SYNJ2BP: variants seen among roughly 807,000 people sequenced by gnomAD.
SYNJ2BP encodes the protein synaptojanin-2-binding protein.
A neutral mutation model predicts 16.9 loss-of-function variants in SYNJ2BP; 10 were observed. The observed-to-expected ratio is 0.59, with a 90% CI of 0.36 to 1.00. SYNJ2BP has a LOEUF of 1.00. SYNJ2BP is among the 50% of genes least tolerant of loss of function. The pLI is 0.01. For synonymous variants in SYNJ2BP, 54 were observed against 68.4 expected (o/e 0.79, Z 1.04); for missense variants, 162 against 186.7 (o/e 0.87, Z 0.77).
intron 2 of SYNJ2BP, among the ~76,000 whole-genome samples, chr14:70,384,546 AAAG>A (rs1887818935): frequency 6.6e-6 from 1 of 152,192 alleles, no homozygotes; most frequent in Non-Finnish European, 1.5e-5. Context: ...TGGGATCTAG[AAAG>A]AAGAATTTTG....
At chr14:70,382,402 T>C (rs1046887034) in intron 2 of SYNJ2BP, among the ~76,000 whole-genome samples, 1 of 152,230 alleles carries the variant, frequency 6.6e-6, no homozygotes, top group Non-Finnish European at 1.5e-5. Context: ...ATGTCATTCC[T>C]GTTATAGGTT....
At chr14:70,390,763 T>C (rs984291932) in intron 1 of SYNJ2BP, among the ~76,000 whole-genome samples, 1 of 152,030 alleles carries the variant, frequency 6.6e-6, no homozygotes, top group Non-Finnish European at 1.5e-5. Flanking sequence ...AGTATTAACA[T>C]AAGCACTAGC....
chr14:70,381,117 T>C (rs1887740190), intron 2 of SYNJ2BP, among the ~76,000 whole-genome samples: 1 of 152,212 alleles, frequency 6.6e-6, no homozygotes, highest in Admixed American at 6.5e-5. Context: ...TACATAAAGC[T>C]GCAAGGCCTG....
Position 70,368,610 on chromosome 14 carries a change from T to C in SYNJ2BP, c.*4381A>G, listed in dbSNP as rs1221317635. On this transcript the variant is annotated 3_prime_UTR_variant, in exon 4 of 4. Transcript: ENST00000256366. Reference sequence around the variant, plus strand: ...ATACATTTTGCTGGAGGTTGATCAATCCTTAGCAAATCAGGAAGAAATGAA... The same window carrying C: ...ATACATTTTGCTGGAGGTTGATCAACCCTTAGCAAATCAGGAAGAAATGAA... 1 of 152,242 alleles carries C rather than the reference T, an allele frequency of 6.6e-6. No homozygotes were observed. The highest frequency in any genetic ancestry group is 1.5e-5 in the Non-Finnish European group (1 of 68,046). 9.4% of individuals were successfully genotyped at this position (152,242 alleles called of 1,614,324 possible).
rs563427270 is a variant in SYNJ2BP at position 70,405,899 on chromosome 14, C to T, written c.64+11001G>A. 6.6e-5 allele frequency among the ~76,000 whole-genome samples: 10 copies of T among 152,308 alleles called. No individual in the cohort carries two copies. The South Asian group carries it at 2.1e-3, about 32-fold the overall frequency. ...TTTGATTGTTTGGGAAACCAAGTCTCCTTTCTATTCAAGAGTAAAGGTCTT... is the reference window on the plus strand; with the variant it reads ...TTTGATTGTTTGGGAAACCAAGTCTTCTTTCTATTCAAGAGTAAAGGTCTT... On this transcript the variant is annotated intron_variant, in intron 1 of 3. Coordinates refer to ENST00000256366, the MANE Select transcript of SYNJ2BP (RefSeq NM_018373.3).
chr14:70,385,879 T>G (rs1392907215), intron 2 of SYNJ2BP, among the ~76,000 whole-genome samples: 2 of 152,164 alleles, frequency 1.3e-5, no homozygotes, highest in African/African-American at 4.8e-5. Context: ...TTGTGTGACC[T>G]TGGGCAAATG....
chr14:70,412,633 C>CAGTATATATATGTATGTATAG (rs1386070231), intron 1 of SYNJ2BP, among the ~76,000 whole-genome samples: 28 of 55,044 alleles, frequency 5.1e-4, no homozygotes, highest in South Asian at 1.3e-3. Flanking sequence ...TATATAGTAA[C>CAGTATATATATGTATGTATAG]TAGCACACTA....
Position 70,370,919 on chromosome 14 carries a change from A to C in SYNJ2BP, c.*2072T>G, listed in dbSNP as rs1887504671. ...CTTACACTGTCCTACCTATGTGGCC[A>C]ATAAGAGTGTTGTCTTCGCAGTTGG... is the stretch of plus-strand genomic sequence containing the variant. On this transcript the variant is annotated 3_prime_UTR_variant, in exon 4 of 4. Transcript: ENST00000256366. 6.6e-6 allele frequency: 1 copy of C among 152,164 alleles called. No homozygotes were observed. The highest frequency in any genetic ancestry group is 2.4e-5 in the African/African-American group (1 of 41,450). 9.4% of individuals were successfully genotyped at this position (152,164 alleles called of 1,614,324 possible). A position where few individuals can be genotyped will look rare whatever the true frequency, so the allele number is the denominator to read the frequency against.
At chr14:70,406,982 T>C (rs987793498) in intron 1 of SYNJ2BP, among the ~76,000 whole-genome samples, 1 of 152,152 alleles carries the variant, frequency 6.6e-6, no homozygotes, top group Non-Finnish European at 1.5e-5. Flanking sequence ...CATTGGGTGA[T>C]TACACCTGCA....
intron 1 of SYNJ2BP, among the ~76,000 whole-genome samples, chr14:70,414,057 T>C (rs1266862497): frequency 6.6e-6 from 1 of 152,210 alleles, no homozygotes. Flanking sequence ...TCTAGTGGTA[T>C]TTTGAGACAG....
intron 3 of SYNJ2BP, among the ~76,000 whole-genome samples, chr14:70,374,774 C>T (rs1465311602): frequency 5.9e-5 from 9 of 152,090 alleles, no homozygotes; most frequent in Non-Finnish European, 1.0e-4. Context: ...CCAGAAAACC[C>T]ACCATCTTTG....
chr14:70,396,910 C>G (rs1356124181), intron 1 of SYNJ2BP, among the ~76,000 whole-genome samples: 1 of 152,134 alleles, frequency 6.6e-6, no homozygotes, highest in East Asian at 1.9e-4. Flanking sequence ...AAATAATTGG[C>G]AAATACTATC....
chr14:70,407,632 T>C (rs1169515348), intron 1 of SYNJ2BP, among the ~76,000 whole-genome samples: 1 of 151,980 alleles, frequency 6.6e-6, no homozygotes, highest in African/African-American at 2.4e-5. Context: ...ATTCTAAGTA[T>C]ATCCCCAAGA....
At chr14:70,402,914 G>A (rs1888270838) in intron 1 of SYNJ2BP, among the ~76,000 whole-genome samples, 1 of 152,138 alleles carries the variant, frequency 6.6e-6, no homozygotes, top group Non-Finnish European at 1.5e-5. Flanking sequence ...GTAAGGACAT[G>A]CCCCTATACC....
intron 1 of SYNJ2BP, among the ~76,000 whole-genome samples, chr14:70,413,180 CATAA>C (rs1888526465): frequency 6.6e-6 from 1 of 152,146 alleles, no homozygotes; most frequent in African/African-American, 2.4e-5. Flanking sequence ...CATAAAATAA[CATAA>C]ATAATCATAA....
At chr14:70,398,708 C>A (rs753266037) in intron 1 of SYNJ2BP, among the ~76,000 whole-genome samples, 1 of 152,292 alleles carries the variant, frequency 6.6e-6, no homozygotes, top group South Asian at 2.1e-4. Context: ...TAGGTCTTTG[C>A]ACCTGGGAGG....
intron 1 of SYNJ2BP, among the ~76,000 whole-genome samples, chr14:70,415,433 A>G (rs564478289): frequency 6.6e-6 from 1 of 151,522 alleles, no homozygotes; most frequent in South Asian, 2.1e-4. Context: ...CACCCATGGT[A>G]TCGGTTACTC....
chr14:70,403,711 C>G (rs932625652), intron 1 of SYNJ2BP, among the ~76,000 whole-genome samples: 1 of 152,222 alleles, frequency 6.6e-6, no homozygotes, highest in African/African-American at 2.4e-5. Context: ...AAATGGGCAA[C>G]CAGCAGCTCT....
intron 2 of SYNJ2BP, among the ~76,000 whole-genome samples, chr14:70,386,160 G>C (rs1352074137): frequency 6.6e-6 from 1 of 152,192 alleles, no homozygotes; most frequent in Non-Finnish European, 1.5e-5. Flanking sequence ...AAGCTGCATA[G>C]ATTCTAACTA....
Sources: gnomAD v4.1 joint callset for allele counts (sites outside exome capture counted in the v4.1 genomes callset) on GRCh38, gnomAD v4.1.1 for gene constraint, MANE v1.5 for transcripts, NCBI Gene and HGNC (gene_info 2026-07-23, HGNC 2026-07-21) for gene names.